MGA: variants seen among roughly 807,000 people sequenced by gnomAD.
The protein encoded by MGA is MAX dimerization protein MGA, also known as MAX gene-associated protein.
A neutral mutation model predicts 261.1 loss-of-function variants in MGA; 40 were observed. The ratio of observed to expected loss-of-function variants is 0.15; its 90% CI spans 0.12 to 0.20. The LOEUF is 0.20. MGA is among the 10% of genes least tolerant of loss of function. The probability of loss-of-function intolerance (pLI) is 1.00; values close to 1 mark genes in which losing one functional copy is unlikely to be tolerated. For missense variants in MGA, 3,397 were observed against 3,630.5 expected (o/e 0.94, Z 1.65); for synonymous variants, 1,302 against 1,290.6 (o/e 1.01, Z -0.19).
chr15:41,645,400 C>T (rs1230468756), intron 1 of MGA, among the ~76,000 whole-genome samples: 1 of 152,148 alleles, frequency 6.6e-6, no homozygotes, highest in Non-Finnish European at 1.5e-5. Flanking sequence ...CAGCCTGGCC[C>T]ATGTGGTGAA....
intron 9 of MGA, among the ~76,000 whole-genome samples, chr15:41,721,270 C>T (rs548874666): frequency 8.6e-4 from 131 of 152,202 alleles, no homozygotes; most frequent in Non-Finnish European, 1.3e-3. Context: ...GAATTCGAGA[C>T]CAGCCTGGCC....
chr15:41,629,554 C>G (rs1247502568), intron 1 of MGA, among the ~76,000 whole-genome samples: 1 of 151,852 alleles, frequency 6.6e-6, no homozygotes, highest in Non-Finnish European at 1.5e-5. Context: ...CATAGTGAGA[C>G]CTTGTCTCTA....
chr15:41,747,750 C>T (rs181695694), intron 15 of MGA, among the ~76,000 whole-genome samples: 1 of 152,238 alleles, frequency 6.6e-6, no homozygotes, highest in East Asian at 1.9e-4. Context: ...TAACAGGAAT[C>T]CAGATTTAGA....
chr15:41,744,669 A>G (rs928954267), intron 15 of MGA, among the ~76,000 whole-genome samples: 3 of 152,190 alleles, frequency 2.0e-5, no homozygotes, highest in African/African-American at 7.2e-5. Context: ...CATGTCTTCT[A>G]AACCATATGG....
chr15:41,761,173 T>C (rs1256567713), intron 20 of MGA, among the ~76,000 whole-genome samples: 3 of 152,256 alleles, frequency 2.0e-5, no homozygotes, highest in Non-Finnish European at 4.4e-5. Context: ...GTGTTCTTGA[T>C]AGCACTTAGT....
intron 13 of MGA, 127 bp from the exon 14 acceptor site, chr15:41,739,779 T>C (rs1015701452): frequency 1.2e-5 from 11 of 909,912 alleles, no homozygotes; most frequent in Non-Finnish European, 1.6e-5. Context: ...AAAAGTCTAC[T>C]TCTTTTTCCC....
rs1298183214 is a variant in MGA, at chr15:41,669,509, T to C, written c.615T>C (p.His205=). Residue 205 remains histidine, a synonymous_variant, in exon 2 of 24, where the codon CAT becomes CAC. Transcript: ENST00000219905. ...TGCATCGTTACCTGCCGAGGCTTCATTTGGTGCCTGCAGAAAAGGCTGTGG... is the reference window on the plus strand; with the variant it reads ...TGCATCGTTACCTGCCGAGGCTTCACTTGGTGCCTGCAGAAAAGGCTGTGG... 1 of 1,614,008 alleles carries C rather than the reference T, an allele frequency of 6.2e-7. No individual in the cohort carries two copies. Among genetic ancestry groups the C allele is most frequent in the Admixed American group, 1.7e-5 (1 of 60,024 alleles).
chr15:41,700,260 A>G (rs766456626), intron 5 of MGA, among the ~76,000 whole-genome samples: 1 of 151,774 alleles, frequency 6.6e-6, no homozygotes, highest in Non-Finnish European at 1.5e-5. Flanking sequence ...GTTAACCAGG[A>G]TGGTCTCGAT....
intron 1 of MGA, among the ~76,000 whole-genome samples, chr15:41,662,729 A>C (rs1481624401): frequency 6.6e-6 from 1 of 152,210 alleles, no homozygotes; most frequent in Non-Finnish European, 1.5e-5. Flanking sequence ...TTTATTGGCT[A>C]AATACTGAAA....
chr15:41,719,742 C>CA (rs762163342), intron 9 of MGA, among the ~76,000 whole-genome samples: 8 of 145,546 alleles, frequency 5.5e-5, no homozygotes, highest in East Asian at 2.0e-4. Context: ...GACCCTGTCT[C>CA]AAAAAAAAAA....
rs2061303550 is a variant in MGA, at chr15:41,727,346, G to A, written c.3597G>A (p.Lys1199=). Reference sequence around the variant, plus strand: ...CAGAAGTTTTATCTCCTACTGTGAAGGGCAAACTGCTCACTGGAATTAAAT... The same window carrying A: ...CAGAAGTTTTATCTCCTACTGTGAAAGGCAAACTGCTCACTGGAATTAAAT... The change falls in exon 10 of 24, where the codon AAG becomes AAA. Residue 1199 remains lysine (K), a synonymous_variant. Coordinates refer to ENST00000219905, the MANE Select transcript of MGA (RefSeq NM_001164273.2). 6.2e-7 allele frequency: 1 copy of A among 1,613,918 alleles called. No homozygotes were observed. The highest frequency in any genetic ancestry group is 8.5e-7 in the Non-Finnish European group (1 of 1,179,868).
rs145990924 is a variant in MGA at position 41,753,999 on chromosome 15, G to A, written c.7009-438G>A. On this transcript the variant is annotated intron_variant, in intron 17 of 23. Transcript: ENST00000219905. ...AGTGGTGCAGTCTTGGGTCACTGCA[G>A]CCTCGAACTCCTGGCCTCAAGCAAT... Among the ~76,000 whole-genome samples, 13 of 152,180 alleles carry A rather than the reference G, an allele frequency of 8.5e-5. No individual in the cohort carries two copies. The East Asian group carries it at 2.5e-3, about 29-fold the overall frequency.
At chr15:41,657,513 C>T (rs1399409903), upstream of MGA, among the ~76,000 whole-genome samples, 1 of 151,844 alleles carries the variant, frequency 6.6e-6, no homozygotes, top group Admixed American at 6.6e-5. Context: ...GCCACCATGC[C>T]CGGCTAATTT....
intron 5 of MGA, 61 bp downstream of exon 5, chr15:41,699,220 T>A: frequency 9.8e-7 from 1 of 1,022,314 alleles, no homozygotes; most frequent in Non-Finnish European, 1.4e-6. Context: ...CTACTGTTTC[T>A]CCTCTTTTTC....
chr15:41,652,838 T>A (rs1038440702), intron 1 of MGA, among the ~76,000 whole-genome samples: 3 of 152,188 alleles, frequency 2.0e-5, no homozygotes, highest in Non-Finnish European at 4.4e-5. Flanking sequence ...TTTTAGGGCT[T>A]AGCACATAGT....
chr15:41,639,514 G>GT (rs201352283), intron 1 of MGA, among the ~76,000 whole-genome samples: 2,328 of 144,346 alleles, frequency 0.016, 61 homozygotes, highest in African/African-American at 0.051. Flanking sequence ...GGAGCATGTA[G>GT]TTTTTTTTTT....
chr15:41,667,099 A>G (rs2057787165), intron 1 of MGA, among the ~76,000 whole-genome samples: 1 of 152,154 alleles, frequency 6.6e-6, no homozygotes, highest in South Asian at 2.1e-4. Flanking sequence ...AAAAAACAGT[A>G]TCTCAAGATG....
At position 41,638,032 on chromosome 15, in the gene MGA, CTTTTTTTT is replaced by C. The variant is rs56390631; in HGVS notation, c.-68+16755_-68+16762del. On this transcript the variant is annotated intron_variant, in intron 1 of 8. Coordinates refer to the MGA transcript ENST00000566718. Reference sequence around the variant, plus strand: ...AGACGTGAGCCACTACTGTGCCCAGCTTTTTTTTTTTTTTTTTTTTTTTTTTTTGGGAC... The same window carrying C: ...AGACGTGAGCCACTACTGTGCCCAGCTTTTTTTTTTTTTTTTTTTTGGGAC... Among the ~76,000 whole-genome samples, 6 of 43,006 alleles carry C rather than the reference CTTTTTTTT, an allele frequency of 1.4e-4. No individual in the cohort carries two copies. In the South Asian group the frequency reaches 6.7e-3, roughly 48 times the overall value. 28.2% of individuals were successfully genotyped at this position (43,006 alleles called of 152,430 possible). A position where few individuals can be genotyped will look rare whatever the true frequency, so the allele number is the denominator to read the frequency against.
At chr15:41,640,682 C>T (rs529266988) in intron 1 of MGA, among the ~76,000 whole-genome samples, 1 of 152,252 alleles carries the variant, frequency 6.6e-6, no homozygotes, top group Admixed American at 6.5e-5. Context: ...CCACATCCAG[C>T]TAATTTTTGT....
Sources: gnomAD v4.1 joint callset for allele counts (sites outside exome capture counted in the v4.1 genomes callset) on GRCh38, gnomAD v4.1.1 for gene constraint, MANE v1.5 for transcripts, NCBI Gene and HGNC (gene_info 2026-07-23, HGNC 2026-07-21) for gene names.